Variants in MAGI3 observed in about 807,000 individuals in gnomAD.
The protein encoded by MAGI3 is membrane associated guanylate kinase, WW and PDZ domain containing 3, also known as membrane-associated guanylate kinase, WW and PDZ domain-containing protein 3.
Under a neutral mutation model 121.8 loss-of-function variants are expected in MAGI3, and 43 were observed. The observed-to-expected ratio is 0.35, with a 90% confidence interval of 0.28 to 0.46. MAGI3 has a LOEUF of 0.46. Ranked by LOEUF, MAGI3 falls within the 20% of genes least tolerant of loss-of-function variation. The probability of loss-of-function intolerance (pLI) is 1.00; values close to 1 mark genes in which losing one functional copy is unlikely to be tolerated. For synonymous variants in MAGI3, 553 were observed against 639.3 expected, an observed-to-expected ratio of 0.86 and a Z score of 2.04; for missense variants, 1,547 against 1,797.3, an observed-to-expected ratio of 0.86 and a Z score of 2.52.
intron 6 of MAGI3, among the ~76,000 whole-genome samples, chr1:113,598,843 A>G (rs1649184711): frequency 6.6e-6 from 1 of 152,176 alleles, no homozygotes. Context: ...TTTACAGAAC[A>G]ATTCTAACCA....
At chr1:113,508,470 G>A (rs773988017) in intron 1 of MAGI3, among the ~76,000 whole-genome samples, 12 of 152,144 alleles carry the variant, frequency 7.9e-5, no homozygotes, top group Admixed American at 2.6e-4. Context: ...GTAAATAAAC[G>A]TGCTTTGAAG....
chr1:113,548,411 C>T, intron 1 of MAGI3, among the ~76,000 whole-genome samples: 1 of 152,112 alleles, frequency 6.6e-6, no homozygotes. Context: ...TCCCATTTTC[C>T]CCACAAATAA....
chr1:113,637,898 G>A (rs1224739499), intron 9 of MAGI3, among the ~76,000 whole-genome samples: 1 of 152,098 alleles, frequency 6.6e-6, no homozygotes, highest in Admixed American at 6.6e-5. Flanking sequence ...TTTTCACATA[G>A]TCCCATATTT....
chr1:113,453,914 G>T (rs989646789), intron 1 of MAGI3, among the ~76,000 whole-genome samples: 1 of 152,238 alleles, frequency 6.6e-6, no homozygotes, highest in African/African-American at 2.4e-5. Context: ...CCCCTTGTGG[G>T]AAGTATTAGC....
intron 1 of MAGI3, among the ~76,000 whole-genome samples, chr1:113,495,596 G>A (rs1007492260): frequency 3.3e-5 from 5 of 151,936 alleles, no homozygotes; most frequent in African/African-American, 1.2e-4. Context: ...ATGCATGTTC[G>A]AACTTTTAAC....
rs185569308 is a variant in MAGI3, at chr1:113,682,735, C to T, written c.3329-162C>T. On this transcript the variant is annotated intron_variant, in intron 20 of 20. Transcript: ENST00000307546. ...GTATGAACAGATGTCTGTACACATC[C>T]GCCTTTATAGAGAGATATGTTGTAA... is the stretch of plus-strand genomic sequence containing the variant. The T allele has an allele frequency of 4.4e-5, 43 of 982,508 alleles. No individual in the cohort carries two copies. In the East Asian group the frequency reaches 2.2e-3, roughly 49 times the overall value. 60.9% of individuals were successfully genotyped at this position (982,508 alleles called of 1,614,324 possible). A position where few individuals can be genotyped will look rare whatever the true frequency, so the allele number is the denominator to read the frequency against.
At chr1:113,607,088 A>G (rs557422355) in intron 6 of MAGI3, among the ~76,000 whole-genome samples, 29 of 152,118 alleles carry the variant, frequency 1.9e-4, no homozygotes, top group Non-Finnish European at 4.1e-4. Flanking sequence ...TCCTCCAGTT[A>G]TTTCTCTCTC....
intron 13 of MAGI3, among the ~76,000 whole-genome samples, chr1:113,650,694 T>G (rs891280075): frequency 6.6e-6 from 1 of 152,218 alleles, no homozygotes; most frequent in Admixed American, 6.5e-5. Context: ...AGATTTATAT[T>G]TTCTGAGTTT....
At chr1:113,643,341 G>T (rs1166243466) in intron 10 of MAGI3, among the ~76,000 whole-genome samples, 1 of 152,138 alleles carries the variant, frequency 6.6e-6, no homozygotes, top group Non-Finnish European at 1.5e-5. Context: ...ATTCACATGG[G>T]TTTCTTCTCT....
Position 113,590,675 on chromosome 1 carries a change from A to G in MAGI3, c.938+17A>G, listed in dbSNP as rs774204397. 1.3e-5 allele frequency: 21 copies of G among 1,609,514 alleles called. 1 individual carries two copies. Among genetic ancestry groups the G allele is most frequent in the South Asian group, 9.9e-5 (9 of 90,516 alleles). The stretch of plus-strand genomic sequence containing the variant: ...CTTCATTGAGTAAGCAAATGTCTCT[A>G]TCTCTTCTAATGTGCCCTAACATGT... On this transcript the variant is annotated intron_variant, in intron 5 of 20. Coordinates refer to ENST00000307546, the MANE Select transcript of MAGI3 (RefSeq NM_001142782.2).
intron 1 of MAGI3, among the ~76,000 whole-genome samples, chr1:113,504,088 C>T (rs1357534927): frequency 6.6e-6 from 1 of 151,666 alleles, no homozygotes. Context: ...GATTTCTTAA[C>T]AAAATACGGT....
At chr1:113,619,009 A>G (rs4839331) in intron 7 of MAGI3, among the ~76,000 whole-genome samples, 19,314 of 152,152 alleles carry the variant, frequency 0.13, 1,300 homozygotes, top group East Asian at 0.19. Flanking sequence ...AAAACATACT[A>G]TCGCCCATAG....
chr1:113,430,523 A>G (rs188683427), intron 1 of MAGI3, among the ~76,000 whole-genome samples: 59 of 152,334 alleles, frequency 3.9e-4, no homozygotes, highest in South Asian at 1.0e-3. Context: ...CATAATTACA[A>G]TAGAATTGCT....
chr1:113,405,778 C>T (rs1047856797), intron 1 of MAGI3, among the ~76,000 whole-genome samples: 12 of 152,072 alleles, frequency 7.9e-5, no homozygotes, highest in African/African-American at 2.7e-4. Context: ...TTTCTCTGTA[C>T]TCCGATTGCT....
chr1:113,563,179 T>C (rs1660309411), intron 2 of MAGI3, among the ~76,000 whole-genome samples: 1 of 152,222 alleles, frequency 6.6e-6, no homozygotes, highest in Non-Finnish European at 1.5e-5. Flanking sequence ...TGAAAATTAA[T>C]ATAGTAATAT....
rs1652612284 is a variant in MAGI3, at chr1:113,642,610, C to CA, written c.1966+95dup. On this transcript the variant is annotated intron_variant, in intron 10 of 20. Transcript: ENST00000307546. ...TACAGTTTAGAATGTGTTTTCCCAG[C>CA]AGACTTAACTAGTAATTAGTGTGCA... The CA allele has an allele frequency of 2.2e-6, 3 of 1,339,196 alleles. No homozygotes were observed. In the African/African-American group the frequency reaches 4.4e-5, roughly 20 times the overall value. The allele number at this position is 1,339,196 out of a possible 1,614,324, so 83.0% of individuals were successfully genotyped here. A position where few individuals can be genotyped will look rare whatever the true frequency, so the allele number is the denominator to read the frequency against.
chr1:113,400,136 T>G (rs1051327803), intron 1 of MAGI3, among the ~76,000 whole-genome samples: 1 of 152,154 alleles, frequency 6.6e-6, no homozygotes, highest in African/African-American at 2.4e-5. Context: ...GGATAAAATC[T>G]GATCCCCTTT....
intron 1 of MAGI3, among the ~76,000 whole-genome samples, chr1:113,421,802 G>T (rs1246558175): frequency 6.6e-6 from 1 of 152,086 alleles, no homozygotes; most frequent in African/African-American, 2.4e-5. Context: ...TTGCTTTGAG[G>T]TGTATTTCTG....
chr1:113,524,025 G>T (rs758169510), intron 1 of MAGI3, among the ~76,000 whole-genome samples: 2 of 152,166 alleles, frequency 1.3e-5, no homozygotes, highest in East Asian at 3.9e-4. Flanking sequence ...AGGGGCCAAG[G>T]TACAGCTCGG....
Sources: allele counts gnomAD v4.1 joint callset (sites outside exome capture counted in the v4.1 genomes callset), GRCh38; gene constraint gnomAD v4.1.1; transcripts MANE v1.5; gene names NCBI Gene and HGNC (gene_info 2026-07-23, HGNC 2026-07-21).